Variants in TLR8 observed in about 807,000 individuals in gnomAD.
The protein encoded by TLR8 is toll like receptor 8, also known as toll-like receptor 8.
A neutral mutation model predicts 18.5 loss-of-function variants in TLR8; 5 were observed. The observed-to-expected ratio is 0.27, with a 90% CI of 0.14 to 0.57. TLR8 has a LOEUF of 0.57. Ranked by LOEUF, TLR8 falls within the 20% of genes least tolerant of loss-of-function variation. The probability of loss-of-function intolerance (pLI) is 0.92; values close to 1 mark genes in which losing one functional copy is unlikely to be tolerated. For missense variants in TLR8, 543 were observed against 769.8 expected (o/e 0.71, Z 3.49); for synonymous variants, 299 against 300.1 (o/e 1.00, Z 0.04).
At chrX:12,910,320 TC>T (rs1394113822) in intron 1 of TLR8, 9 of 1,154,656 alleles carry the variant, frequency 7.8e-6, no homozygotes, top group African/African-American at 1.8e-5. Flanking sequence ...TCTTGACACT[TC>T]AGTGTTAGGG....
chrX:12,922,132 A>G lies in TLR8; in HGVS notation c.3092A>G (p.Asn1031Ser). ...VVLTENDSRY[N>S]NMYVDSIKQY ...TTGACTGAAAATGATTCACGGTATA[A>G]CAATATGTATGTCGATTCCATTAAG... The change falls in exon 2 of 2, where the codon AAC (asparagine) becomes AGC (serine). Residue 1031 changes from asparagine (N) to serine (S), a missense_variant. Asn to Ser is a conservative substitution (Grantham distance 46). Transcript: ENST00000218032. 8.3e-7 allele frequency: 1 copy of G among 1,206,175 alleles called. No homozygotes were observed. Among genetic ancestry groups the G allele is most frequent in the Non-Finnish European group, 1.1e-6 (1 of 892,385 alleles).
chrX:12,919,712 A>T lies in TLR8; in HGVS notation c.672A>T (p.Leu224=). 6.6e-6 allele frequency: 8 copies of T among 1,210,714 alleles called. No individual in the cohort carries two copies. The highest frequency in any genetic ancestry group is 8.9e-6 in the Non-Finnish European group (8 of 895,001). Residue 224 remains leucine, a synonymous_variant, in exon 2 of 2, where the codon CTA becomes CTT. Coordinates refer to ENST00000218032, the MANE Select transcript of TLR8 (RefSeq NM_138636.5). ...SHVPPKLPSS[L]RKLFLSNTQI... ...TGCCACCCAAACTGCCAAGCTCCCT[A>T]CGCAAACTTTTTCTGAGCAACACCC... is the stretch of plus-strand genomic sequence containing the variant.
At chrX:12,918,554 G>A (rs2043071170) in intron 1 of TLR8, among the ~76,000 whole-genome samples, 2 of 110,725 alleles carry the variant, frequency 1.8e-5, no homozygotes. Context: ...TTGTTTTTGA[G>A]ACAGGGTCTC....
At chrX:12,915,161 C>T (rs940633526) in intron 1 of TLR8, among the ~76,000 whole-genome samples, 3 of 111,039 alleles carry the variant, frequency 2.7e-5, no homozygotes, top group African/African-American at 3.3e-5. Context: ...TTTAAACCTA[C>T]TCTGGCCTTT....
In TLR8 at chrX:12,920,955, A is replaced by G. The variant is rs1363498887; in HGVS notation, c.1915A>G (p.Lys639Glu). 8.3e-7 allele frequency: 1 copy of G among 1,209,667 alleles called. No individual in the cohort carries two copies. The highest frequency in any genetic ancestry group is 1.1e-6 in the Non-Finnish European group (1 of 895,038). ...NRYISIFKGLKNLTRLDLSLN... is the reference protein window; with the variant it reads ...NRYISIFKGLENLTRLDLSLN... ...GTATATCTCCATTTTCAAAGGTCTC[A>G]AGAATCTGACACGTCTGGATTTATC... The change falls in exon 2 of 2, where the codon AAG becomes GAG. Residue 639 changes from lysine (K) to glutamate (E), a missense_variant. Coordinates refer to ENST00000218032, the MANE Select transcript of TLR8 (RefSeq NM_138636.5).
chrX:12,922,070 A>T lies in TLR8; in HGVS notation c.3030A>T (p.Ala1010=). 1.8e-5 allele frequency: 22 copies of T among 1,211,816 alleles called. No individual in the cohort carries two copies. Among genetic ancestry groups the T allele is most frequent in the Non-Finnish European group, 2.5e-5 (22 of 895,525 alleles). The part of the protein sequence containing the change: ...SILQWPDNPK[A]EGLFWQTLRN... Reference sequence around the variant, plus strand: ...TCCAGTGGCCTGACAACCCGAAGGCAGAAGGCTTGTTTTGGCAAACTCTGA... The same window carrying T: ...TCCAGTGGCCTGACAACCCGAAGGCTGAAGGCTTGTTTTGGCAAACTCTGA... The change falls in exon 2 of 2, where the codon GCA becomes GCT. Residue 1010 remains alanine (A), a synonymous_variant. Transcript: ENST00000218032.
chrX:12,909,064 A>G (rs1049662833), intron 1 of TLR8, among the ~76,000 whole-genome samples: 2 of 111,497 alleles, frequency 1.8e-5, no homozygotes. Flanking sequence ...TGTCGCCTCC[A>G]GGTTCCATTG....
At chrX:12,910,270 C>T in intron 1 of TLR8, 3 of 1,097,872 alleles carry the variant, frequency 2.7e-6, no homozygotes, top group South Asian at 4.7e-5. Context: ...CTAAGTAATT[C>T]AACTGAGGAG....
At chrX:12,910,575 C>A in intron 1 of TLR8, 1 of 716,100 alleles carries the variant, frequency 1.4e-6, no homozygotes, top group South Asian at 2.9e-5. Context: ...TGGTCTCCGC[C>A]CTGGCTGCAG....
chrX:12,913,530 C>T (rs5744052), intron 1 of TLR8, among the ~76,000 whole-genome samples: 3,271 of 112,484 alleles, frequency 0.029, 106 homozygotes, highest in African/African-American at 0.099. Context: ...TTGCCTTATC[C>T]GTTTAATTGC....
At position 12,919,605 on chromosome X, in the gene TLR8, A is replaced by C. The variant is rs2043080187; in HGVS notation, c.565A>C (p.Lys189Gln). Residue 189 changes from lysine (K) to glutamine (Q), a missense_variant, in exon 2 of 2, where the codon AAA (lysine) becomes CAA (glutamine). By Grantham distance (53) the Lys-to-Gln change is moderately conservative. Around this residue, in one of 4 missense-constraint regions of TLR8, gnomAD observed 185 missense variants for 298.9 expected, o/e 0.62. Transcript: ENST00000218032. ...CTGCTATTTTAACAAAGTTTGCGAGAAAACTAACATAGAAGATGGAGTATT... is the reference window on the plus strand; with the variant it reads ...CTGCTATTTTAACAAAGTTTGCGAGCAAACTAACATAGAAGATGGAGTATT... The part of the protein sequence containing the change: ...WNCYFNKVCE[K>Q]TNIEDGVFET... 2.5e-6 allele frequency: 3 copies of C among 1,207,709 alleles called. No homozygotes were observed. The highest frequency in any genetic ancestry group is 1.8e-5 in the African/African-American group (1 of 57,124).
chrX:12,909,472 T>A (rs1272930836), intron 1 of TLR8, among the ~76,000 whole-genome samples: 1 of 111,875 alleles, frequency 8.9e-6, no homozygotes, highest in East Asian at 2.8e-4. Flanking sequence ...ACAGGCTGTG[T>A]TGATTTTGCA....
At chrX:12,908,110 G>A (rs1009114174) in intron 1 of TLR8, 1 of 110,883 alleles carries the variant, frequency 9.0e-6, no homozygotes, top group Non-Finnish European at 1.9e-5. Flanking sequence ...GGAAGCCGAC[G>A]TGGGCGGATC....
chrX:12,915,095 T>C (rs1332706955), intron 1 of TLR8, among the ~76,000 whole-genome samples: 1 of 112,131 alleles, frequency 8.9e-6, no homozygotes, highest in Non-Finnish European at 1.9e-5. Flanking sequence ...TTTCGAAACA[T>C]CATGTTGTAC....
In TLR8 at chrX:12,920,591, T is replaced by G; in HGVS notation, c.1551T>G (p.Asn517Lys). 8.3e-7 allele frequency: 1 copy of G among 1,210,641 alleles called. No individual in the cohort carries two copies. Among genetic ancestry groups the G allele is most frequent in the Non-Finnish European group, 1.1e-6 (1 of 894,935 alleles). The change falls in exon 2 of 2, where the codon AAT (asparagine) becomes AAG (lysine). Residue 517 changes from asparagine to lysine, a missense_variant. By Grantham distance (94) the Asn-to-Lys change is moderately conservative. Coordinates refer to ENST00000218032, the MANE Select transcript of TLR8 (RefSeq NM_138636.5). ...IACLNLSANS[N>K]AQVLSGTEFS... ...GTTTAAATCTGTCTGCAAATAGCAA[T>G]GCTCAAGTGTTAAGTGGAACTGAAT...
intron 1 of TLR8, among the ~76,000 whole-genome samples, chrX:12,906,993 G>A (rs1177560033): frequency 8.9e-6 from 1 of 112,143 alleles, no homozygotes. Context: ...TTTCAAGTTA[G>A]AAATTGAACT....
chrX:12,910,052 T>G (rs1250619766), intron 1 of TLR8, among the ~76,000 whole-genome samples: 1 of 112,186 alleles, frequency 8.9e-6, no homozygotes, highest in African/African-American at 3.2e-5. Flanking sequence ...GAATTTGGGA[T>G]GGGTAAAATA....
At chrX:12,910,972 T>C (rs914839835) in intron 1 of TLR8, among the ~76,000 whole-genome samples, 5 of 109,918 alleles carry the variant, frequency 4.5e-5, no homozygotes, top group African/African-American at 1.7e-4. Context: ...TCATGATTCA[T>C]ACGTTTTCTT....
Position 12,915,482 on chromosome X carries a change from C to G in TLR8, c.4-3562C>G, listed in dbSNP as rs1026989703. Among the ~76,000 whole-genome samples, 4 of 112,776 alleles carry G rather than the reference C, an allele frequency of 3.5e-5. No homozygotes were observed. The Admixed American group carries it at 3.7e-4, about 11-fold the overall frequency. On this transcript the variant is annotated intron_variant, in intron 1 of 1. Transcript: ENST00000218032. ...TGCCTGGTCCACTCTGGTCTTTACT[C>G]AAGTCCCTGGCTTTCTCTCAGTCTC...
Sources: gnomAD v4.1 joint callset for allele counts (sites outside exome capture counted in the v4.1 genomes callset) on GRCh38, gnomAD v4.1.1 for gene constraint, gnomAD v4.1.1 regional missense constraint, MANE v1.5 for transcripts, NCBI Gene and HGNC (gene_info 2026-07-23, HGNC 2026-07-21) for gene names.